Variants in FSTL4 observed in about 807,000 individuals in gnomAD.
The protein encoded by FSTL4 is follistatin-related protein 4.
FSTL4 carries 28 observed loss-of-function variants against 78.2 expected under a neutral mutation model. The ratio of observed to expected loss-of-function variants is 0.36; its 90% CI spans 0.27 to 0.49. The LOEUF is 0.49. Ranked by LOEUF, FSTL4 falls within the 20% of genes least tolerant of loss-of-function variation. The probability of loss-of-function intolerance (pLI) is 0.98; values close to 1 mark genes in which losing one functional copy is unlikely to be tolerated. For synonymous variants in FSTL4, 422 were observed against 440.5 expected, an observed-to-expected ratio of 0.96 and a Z score of 0.53; for missense variants, 922 against 1,084.9, an observed-to-expected ratio of 0.85 and a Z score of 2.11.
chr5:133,213,738 ATAG>A (rs1168452893), intron 13 of FSTL4, among the ~76,000 whole-genome samples: 2 of 152,232 alleles, frequency 1.3e-5, no homozygotes, highest in African/African-American at 4.8e-5. Context: ...CAAAAGTAAC[ATAG>A]TAGATAAAAA....
intron 3 of FSTL4, among the ~76,000 whole-genome samples, chr5:133,461,456 C>T (rs1757589394): frequency 6.6e-6 from 1 of 152,198 alleles, no homozygotes; most frequent in African/African-American, 2.4e-5. Flanking sequence ...ACAGTGCAAT[C>T]TCCCAGTTTT....
At chr5:133,614,909 G>A (rs1047635055), upstream of FSTL4, among the ~76,000 whole-genome samples, 1 of 152,152 alleles carries the variant, frequency 6.6e-6, no homozygotes, top group African/African-American at 2.4e-5. Context: ...ACTTTTACAA[G>A]ATCAAAAAGT....
At chr5:133,214,310 A>T (rs113567231) in intron 13 of FSTL4, among the ~76,000 whole-genome samples, 3 of 152,356 alleles carry the variant, frequency 2.0e-5, no homozygotes, top group African/African-American at 7.2e-5. Flanking sequence ...CAAAGGATCG[A>T]TATTATTCAG....
At chr5:133,819,633 C>T in the FSTL4 span, among the ~76,000 whole-genome samples, 24 of 152,344 alleles carry the variant, frequency 1.6e-4, no homozygotes, top group South Asian at 4.8e-3. Flanking sequence ...ATTCACAATA[C>T]ATCCACAGAT....
chr5:133,590,013 G>A (rs1393685009), intron 2 of FSTL4, among the ~76,000 whole-genome samples: 1 of 152,116 alleles, frequency 6.6e-6, no homozygotes, highest in East Asian at 1.9e-4. Flanking sequence ...AATGAAAGCT[G>A]TTTATTAATT....
intron 2 of FSTL4, among the ~76,000 whole-genome samples, chr5:133,572,250 G>C (rs1760173728): frequency 6.6e-6 from 1 of 152,154 alleles, no homozygotes; most frequent in African/African-American, 2.4e-5. Context: ...AGAAGACAAT[G>C]GAATGCCATC....
At chr5:133,759,841 G>A in the FSTL4 span, among the ~76,000 whole-genome samples, 2 of 152,224 alleles carry the variant, frequency 1.3e-5, no homozygotes, top group Non-Finnish European at 2.9e-5. Flanking sequence ...TATTGTAGAT[G>A]AGATGAGAGG....
At chr5:133,558,631 G>A (rs915602139) in intron 3 of FSTL4, among the ~76,000 whole-genome samples, 2 of 146,958 alleles carry the variant, frequency 1.4e-5, no homozygotes. Context: ...AAAGGTTTTT[G>A]TTTTTTTTTT....
At chr5:133,785,392 G>A in the FSTL4 span, among the ~76,000 whole-genome samples, 1 of 152,190 alleles carries the variant, frequency 6.6e-6, no homozygotes, top group African/African-American at 2.4e-5. Flanking sequence ...CCTTTAGCAA[G>A]TAACTCACCT....
the FSTL4 span, among the ~76,000 whole-genome samples, chr5:133,761,187 A>C: frequency 6.6e-6 from 1 of 152,228 alleles, no homozygotes; most frequent in Non-Finnish European, 1.5e-5. Flanking sequence ...AATAGAAAAT[A>C]CTATTTGCTC....
the FSTL4 span, among the ~76,000 whole-genome samples, chr5:133,646,895 C>A: frequency 2.0e-5 from 3 of 152,082 alleles, no homozygotes; most frequent in African/African-American, 7.2e-5. Context: ...AAAGCTGTAC[C>A]ATTTTCGTCG....
intron 4 of FSTL4, among the ~76,000 whole-genome samples, chr5:133,374,289 T>G (rs1755382422): frequency 1.3e-5 from 2 of 152,180 alleles, no homozygotes; most frequent in African/African-American, 4.8e-5. Flanking sequence ...GAGAAGTCCC[T>G]TTCTGGACAA....
chr5:133,605,178 A>C (rs1360565500), intron 1 of FSTL4, among the ~76,000 whole-genome samples: 1 of 152,204 alleles, frequency 6.6e-6, no homozygotes, highest in Non-Finnish European at 1.5e-5. Context: ...ACCAGATACA[A>C]CTCATTATGT....
intron 3 of FSTL4, among the ~76,000 whole-genome samples, chr5:133,499,369 T>TACACAC (rs57363602): frequency 0.11 from 13,339 of 126,574 alleles, 858 homozygotes; most frequent in Non-Finnish European, 0.14. Flanking sequence ...ACAAGGGGAA[T>TACACAC]ACACACACAC....
intron 4 of FSTL4, among the ~76,000 whole-genome samples, chr5:133,358,034 A>G (rs1754978397): frequency 6.6e-6 from 1 of 152,186 alleles, no homozygotes; most frequent in Non-Finnish European, 1.5e-5. Flanking sequence ...CAAAGTGTGC[A>G]GTGGACCCAG....
At chr5:133,322,170 C>G (rs1042888875) in intron 4 of FSTL4, among the ~76,000 whole-genome samples, 3 of 151,682 alleles carry the variant, frequency 2.0e-5, no homozygotes, top group Admixed American at 6.6e-5. Context: ...CCCTTCCTGT[C>G]TTCAGGCCCA....
chr5:133,665,900 T>C, the FSTL4 span, among the ~76,000 whole-genome samples: 1 of 152,320 alleles, frequency 6.6e-6, no homozygotes, highest in Admixed American at 6.5e-5. Flanking sequence ...GGAGCACCTC[T>C]GTTTGAAGCC....
At chr5:133,434,020 G>A (rs138841653) in intron 3 of FSTL4, among the ~76,000 whole-genome samples, 9 of 152,144 alleles carry the variant, frequency 5.9e-5, no homozygotes, top group African/African-American at 2.2e-4. Flanking sequence ...TAAGCAGAAG[G>A]TAATACAATC....
intron 3 of FSTL4, among the ~76,000 whole-genome samples, chr5:133,456,789 A>T (rs147909985): frequency 6.6e-6 from 1 of 152,198 alleles, no homozygotes; most frequent in East Asian, 1.9e-4. Flanking sequence ...TTGCCCCAGC[A>T]TAGGAACGAG....
Sources: gnomAD v4.1 joint callset for allele counts (sites outside exome capture counted in the v4.1 genomes callset) on GRCh38, gnomAD v4.1.1 for gene constraint, MANE v1.5 for transcripts, NCBI Gene and HGNC (gene_info 2026-07-23, HGNC 2026-07-21) for gene names.